DBF4: variants seen among roughly 807,000 people sequenced by gnomAD.
DBF4 encodes protein DBF4 homolog A.
In DBF4, 25 loss-of-function variants were observed where a neutral mutation model predicts 76.6. The observed-to-expected ratio is 0.33, with a 90% CI of 0.24 to 0.46. The LOEUF (loss-of-function observed/expected upper bound fraction) is 0.46. Among genes scored for constraint, DBF4 ranks in the 20% least tolerant of loss-of-function variants. The pLI, the probability that DBF4 is intolerant of heterozygous loss-of-function variation, is 1.00. For missense variants in DBF4, 638 were observed against 760.8 expected, an observed-to-expected ratio of 0.84 and a Z score of 1.90; for synonymous variants, 213 against 258.0, an observed-to-expected ratio of 0.83 and a Z score of 1.67.
chr7:87,897,374 G>T (rs746682881), intron 8 of DBF4, 35 bp downstream of exon 8: 178 of 1,595,202 alleles, frequency 1.1e-4, no homozygotes, highest in Non-Finnish European at 1.4e-4. Flanking sequence ...TGATTTAAGT[G>T]CAATACTAAA....
chr7:87,880,598 TC>T (rs1839187342), intron 2 of DBF4, among the ~76,000 whole-genome samples: 1 of 152,232 alleles, frequency 6.6e-6, no homozygotes, highest in South Asian at 2.1e-4. Flanking sequence ...ATAACGATCT[TC>T]TACATGAGTT....
intron 6 of DBF4, among the ~76,000 whole-genome samples, chr7:87,893,780 G>C (rs1471112653): frequency 6.6e-6 from 1 of 152,006 alleles, no homozygotes; most frequent in African/African-American, 2.4e-5. Flanking sequence ...TCTTTTAATT[G>C]GTAGTTTAAG....
rs1390906625 is a variant in DBF4 at position 87,907,563 on chromosome 7, A to C, written c.1425A>C (p.Glu475Asp). ...SEHTLSENDL[E>D]ELRVDHYKCN... The stretch of plus-strand genomic sequence containing the variant: ...ACACATTAAGTGAAAATGACTTAGA[A>C]GAACTAAGGGTAGATCACTATAAAT... The change falls in exon 12 of 12, where the codon GAA (glutamate) becomes GAC (aspartate). Residue 475 changes from glutamate to aspartate, a missense_variant. Physicochemically the swap from Glu to Asp is conservative, Grantham distance 45. Transcript: ENST00000265728. 6.2e-7 allele frequency: 1 copy of C among 1,614,144 alleles called. No individual in the cohort carries two copies. The highest frequency in any genetic ancestry group is 1.7e-5 in the Admixed American group (1 of 60,030).
intron 11 of DBF4, among the ~76,000 whole-genome samples, chr7:87,906,451 C>T (rs1839918658): frequency 6.6e-6 from 1 of 151,370 alleles, no homozygotes; most frequent in South Asian, 2.1e-4. Flanking sequence ...TATTATTTCT[C>T]ACAGTTAATC....
chr7:87,893,967 T>C (rs1839561505), intron 6 of DBF4, among the ~76,000 whole-genome samples: 1 of 152,224 alleles, frequency 6.6e-6, no homozygotes, highest in Admixed American at 6.5e-5. Flanking sequence ...GTGGTTGCTA[T>C]AGGATTTACG....
intron 2 of DBF4, among the ~76,000 whole-genome samples, chr7:87,882,248 A>G (rs984652598): frequency 6.6e-6 from 1 of 152,174 alleles, no homozygotes; most frequent in African/African-American, 2.4e-5. Flanking sequence ...GATCTTTTCA[A>G]CAGCTGGTGC....
chr7:87,890,077 T>C (rs1271667742), intron 6 of DBF4, among the ~76,000 whole-genome samples: 1 of 152,240 alleles, frequency 6.6e-6, no homozygotes, highest in East Asian at 1.9e-4. Context: ...ATGTCTGTCT[T>C]CATGTATATG....
In DBF4 at chr7:87,887,356, T is replaced by C. The variant is rs1265199602; in HGVS notation, c.478T>C (p.Ser160Pro). 1.3e-6 allele frequency: 2 copies of C among 1,559,174 alleles called. No homozygotes were observed. The highest frequency in any genetic ancestry group is 1.8e-6 in the Non-Finnish European group (2 of 1,139,832). The change falls in exon 5 of 12, where the codon TCA (serine) becomes CCA (proline). Residue 160 changes from serine to proline, a missense_variant. Coordinates refer to ENST00000265728, the MANE Select transcript of DBF4 (RefSeq NM_006716.4). ...TTTTATTCCTTCAAATAGTATATTA[T>C]CAAATGCCTTGTCATGGGGAGTAAA... is the stretch of plus-strand genomic sequence containing the variant. ...HDFIPSNSILSNALSWGVKIL... is the reference protein window; with the variant it reads ...HDFIPSNSILPNALSWGVKIL...
chr7:87,884,400 A>G (rs1221268552), intron 2 of DBF4, among the ~76,000 whole-genome samples: 1 of 152,152 alleles, frequency 6.6e-6, no homozygotes, highest in Non-Finnish European at 1.5e-5. Context: ...CACACTACCA[A>G]GGCCATTTCA....
intron 5 of DBF4, among the ~76,000 whole-genome samples, chr7:87,887,689 G>C (rs1839391137): frequency 6.6e-6 from 1 of 152,018 alleles, no homozygotes; most frequent in Non-Finnish European, 1.5e-5. Flanking sequence ...CATGGTGAGG[G>C]GCTGAGTGTG....
At chr7:87,883,740 T>C (rs141948999) in intron 2 of DBF4, among the ~76,000 whole-genome samples, 30 of 152,338 alleles carry the variant, frequency 2.0e-4, no homozygotes, top group African/African-American at 7.0e-4. Context: ...TGTTACACAC[T>C]TCATTTTTAT....
Position 87,876,578 on chromosome 7 carries a change from G to T in DBF4, c.-155G>T. The T allele has an allele frequency of 1.3e-6, 1 of 779,114 alleles. No individual in the cohort carries two copies. The highest frequency in any genetic ancestry group is 2.1e-6 in the Non-Finnish European group (1 of 479,704). The allele number at this position is 779,114 out of a possible 1,614,324, so 48.3% of individuals were successfully genotyped here. ...GAGCCGGATCCGGCCCCGGAAACCC[G>T]ACCTGCAGACGCGGTACCTCTACTG... is the stretch of plus-strand genomic sequence containing the variant. On this transcript the variant is annotated 5_prime_UTR_variant, in exon 1 of 12. Coordinates refer to ENST00000265728, the MANE Select transcript of DBF4 (RefSeq NM_006716.4).
intron 6 of DBF4, among the ~76,000 whole-genome samples, chr7:87,889,277 A>ATT (rs35766740): frequency 1.9e-4 from 27 of 139,756 alleles, no homozygotes; most frequent in Non-Finnish European, 2.8e-4. Context: ...CTCTTGAACA[A>ATT]TTTTTTTTTT....
intron 10 of DBF4, among the ~76,000 whole-genome samples, chr7:87,902,931 C>T (rs898003548): frequency 5.3e-5 from 8 of 152,152 alleles, no homozygotes; most frequent in Admixed American, 3.9e-4. Flanking sequence ...GAGGAAGCTT[C>T]TAAGTACAAT....
intron 1 of DBF4, 79 bp from the exon 2 acceptor site, chr7:87,877,974 T>C (rs1839111971): frequency 8.9e-7 from 1 of 1,127,778 alleles, no homozygotes; most frequent in Admixed American, 2.5e-5. Context: ...ATTTTTATTC[T>C]GTAATATTGT....
Position 87,888,008 on chromosome 7 carries a change from G to A in DBF4, c.546G>A (p.Lys182=), listed in dbSNP as rs1434369740. The A allele has an allele frequency of 1.3e-6, 2 of 1,554,186 alleles. No individual in the cohort carries two copies. Among genetic ancestry groups the A allele is most frequent in the South Asian group, 1.2e-5 (1 of 82,882 alleles). ...IDDIRYYIEQ[K]KKELYLLKKS... Reference sequence around the variant, plus strand: ...ACATTAGATACTACATTGAACAAAAGAAAAAAGAGTTGTATTTACTCAAGA... The same window carrying A: ...ACATTAGATACTACATTGAACAAAAAAAAAAAGAGTTGTATTTACTCAAGA... The change falls in exon 6 of 12, where the codon AAG becomes AAA. Residue 182 remains lysine, a synonymous_variant. Coordinates refer to ENST00000265728, the MANE Select transcript of DBF4 (RefSeq NM_006716.4).
intron 2 of DBF4, among the ~76,000 whole-genome samples, chr7:87,884,279 G>T (rs1247454940): frequency 6.6e-6 from 1 of 152,184 alleles, no homozygotes; most frequent in Non-Finnish European, 1.5e-5. Flanking sequence ...GTACTCTCAG[G>T]TACTTGGGAG....
At position 87,907,893 on chromosome 7, in the gene DBF4, T is replaced by C. The variant is rs1272570457; in HGVS notation, c.1755T>C (p.Asn585=). 1 of 1,612,918 alleles carries C rather than the reference T, an allele frequency of 6.2e-7. No individual in the cohort carries two copies. The highest frequency in any genetic ancestry group is 8.5e-7 in the Non-Finnish European group (1 of 1,179,822). Residue 585 remains asparagine (N), a synonymous_variant, in exon 12 of 12, where the codon AAT becomes AAC. Transcript: ENST00000265728. ...AAGTGAAAATAATATTAGGACGAAA[T>C]AGAAAAGAAAATCTGGAACCAAATG... ...HRKVKIILGR[N]RKENLEPNAE...
chr7:87,899,821 CAAG>C (rs2131070034), intron 8 of DBF4, among the ~76,000 whole-genome samples: 1 of 152,176 alleles, frequency 6.6e-6, no homozygotes, highest in Non-Finnish European at 1.5e-5. Flanking sequence ...AAACTGATAA[CAAG>C]AAGTAGAATG....
Sources: allele counts gnomAD v4.1 joint callset (sites outside exome capture counted in the v4.1 genomes callset), GRCh38; gene constraint gnomAD v4.1.1; transcripts MANE v1.5; gene names NCBI Gene and HGNC (gene_info 2026-07-23, HGNC 2026-07-21).